STXBP5L: variants seen among roughly 807,000 people sequenced by gnomAD.
STXBP5L encodes syntaxin-binding protein 5-like.
A neutral mutation model predicts 144.5 loss-of-function variants in STXBP5L; 65 were observed. The ratio of observed to expected loss-of-function variants is 0.45; its 90% CI spans 0.37 to 0.55. STXBP5L has a LOEUF of 0.55. Among genes scored for constraint, STXBP5L ranks in the 20% least tolerant of loss-of-function variants. The probability of loss-of-function intolerance (pLI) is 0.00; values close to 1 mark genes in which losing one functional copy is unlikely to be tolerated. For missense variants in STXBP5L, 1,298 were observed against 1,405.5 expected, an observed-to-expected ratio of 0.92 and a Z score of 1.22; for synonymous variants, 505 against 469.6, an observed-to-expected ratio of 1.08 and a Z score of -0.97.
intron 3 of STXBP5L, among the ~76,000 whole-genome samples, chr3:120,967,135 G>A (rs888889291): frequency 6.6e-6 from 1 of 152,072 alleles, no homozygotes; most frequent in Non-Finnish European, 1.5e-5. Flanking sequence ...CTTGTCTGCC[G>A]GTTTTTAAGA....
rs1486234901 is a variant in STXBP5L at position 120,908,298 on chromosome 3, T to A, written c.-45T>A. The A allele has an allele frequency of 6.6e-6, 1 of 152,378 alleles. No individual in the cohort carries two copies. Among genetic ancestry groups the A allele is most frequent in the Non-Finnish European group, 1.5e-5 (1 of 68,124 alleles). 9.4% of individuals were successfully genotyped at this position (152,378 alleles called of 1,614,324 possible). Reference sequence around the variant, plus strand: ...CCCGCCTACCTCGGCCCCCTCAGCTTCCCGGGCTGGCAGGCGGCTAGAGGC... The same window carrying A: ...CCCGCCTACCTCGGCCCCCTCAGCTACCCGGGCTGGCAGGCGGCTAGAGGC... On this transcript the variant is annotated 5_prime_UTR_variant, in exon 1 of 27. Transcript: ENST00000471454.
intron 5 of STXBP5L, among the ~76,000 whole-genome samples, chr3:121,088,275 G>A (rs1220943151): frequency 8.0e-6 from 1 of 124,848 alleles, no homozygotes; most frequent in Non-Finnish European, 1.7e-5. Flanking sequence ...TCAAAAAGTG[G>A]GCGAAGGACA....
intron 20 of STXBP5L, chr3:121,357,318 A>C (rs1350245002): frequency 5.8e-6 from 1 of 171,488 alleles, no homozygotes; most frequent in Non-Finnish European, 1.4e-5. Context: ...ATCGCTTTTT[A>C]TGTGTGTGTG....
chr3:121,088,387 A>G (rs2042602704), intron 5 of STXBP5L, among the ~76,000 whole-genome samples: 1 of 115,434 alleles, frequency 8.7e-6, no homozygotes, highest in Non-Finnish European at 1.8e-5. Flanking sequence ...CAAAACCACT[A>G]TGAGATATCA....
intron 3 of STXBP5L, among the ~76,000 whole-genome samples, chr3:121,038,159 A>C (rs1015889027): frequency 5.3e-5 from 8 of 151,474 alleles, no homozygotes; most frequent in African/African-American, 1.9e-4. Flanking sequence ...GATCATCTTT[A>C]TTATTGTTCT....
chr3:121,282,480 A>G, intron 19 of STXBP5L: 3 of 569,356 alleles, frequency 5.3e-6, no homozygotes, highest in Non-Finnish European at 9.0e-6. Flanking sequence ...GTGCAACCTG[A>G]TAATTTTAAT....
chr3:121,137,739 G>T (rs1027575872), intron 7 of STXBP5L, among the ~76,000 whole-genome samples: 4 of 152,106 alleles, frequency 2.6e-5, no homozygotes, highest in African/African-American at 9.7e-5. Flanking sequence ...ATTCCTTTAT[G>T]ATATAAATTT....
At chr3:121,160,954 G>C (rs1159578589) in intron 9 of STXBP5L, among the ~76,000 whole-genome samples, 3 of 151,986 alleles carry the variant, frequency 2.0e-5, no homozygotes, top group Non-Finnish European at 4.4e-5. Flanking sequence ...CATAAAATTT[G>C]CAAATCTTGT....
At chr3:121,076,128 A>G (rs2042008730) in intron 5 of STXBP5L, among the ~76,000 whole-genome samples, 2 of 152,188 alleles carry the variant, frequency 1.3e-5, no homozygotes, top group South Asian at 4.2e-4. Flanking sequence ...GTGCATTCAA[A>G]TAAATTTGTT....
chr3:121,213,334 A>C (rs2048653342), intron 10 of STXBP5L, among the ~76,000 whole-genome samples: 1 of 152,058 alleles, frequency 6.6e-6, no homozygotes, highest in African/African-American at 2.4e-5. Context: ...TGAGTATGAT[A>C]TTGGCTGTGG....
At chr3:121,095,263 CTTGG>C (rs1368765754) in intron 5 of STXBP5L, among the ~76,000 whole-genome samples, 1 of 152,136 alleles carries the variant, frequency 6.6e-6, no homozygotes, top group South Asian at 2.1e-4. Context: ...ACTTATGTGT[CTTGG>C]AGTTGCTCTT....
intron 9 of STXBP5L, among the ~76,000 whole-genome samples, chr3:121,178,672 GAGA>G (rs1171478615): frequency 1.3e-5 from 2 of 152,078 alleles, no homozygotes; most frequent in Non-Finnish European, 2.9e-5. Context: ...CAGATCACAG[GAGA>G]AGGCTTTAAC....
At chr3:121,100,686 G>A (rs779077815) in intron 5 of STXBP5L, among the ~76,000 whole-genome samples, 1 of 151,820 alleles carries the variant, frequency 6.6e-6, no homozygotes, top group Admixed American at 6.6e-5. Flanking sequence ...TCTAGAGGAA[G>A]TGGAAAAACG....
At chr3:121,018,757 G>A (rs550534573) in intron 3 of STXBP5L, among the ~76,000 whole-genome samples, 4 of 152,228 alleles carry the variant, frequency 2.6e-5, no homozygotes, top group Admixed American at 6.5e-5. Flanking sequence ...GATAGGAGGC[G>A]GAACTAACTT....
chr3:121,263,166 C>G (rs148446235), intron 18 of STXBP5L, among the ~76,000 whole-genome samples: 36 of 152,272 alleles, frequency 2.4e-4, no homozygotes, highest in African/African-American at 8.2e-4. Flanking sequence ...CTAGTGATAC[C>G]CAGGCAAACA....
intron 9 of STXBP5L, among the ~76,000 whole-genome samples, chr3:121,191,325 G>T (rs532351554): frequency 6.6e-6 from 1 of 152,322 alleles, no homozygotes; most frequent in East Asian, 1.9e-4. Flanking sequence ...ATCACTCGCG[G>T]TCAGGAGCTG....
intron 3 of STXBP5L, among the ~76,000 whole-genome samples, chr3:121,039,723 A>C (rs897309240): frequency 9.9e-5 from 15 of 151,922 alleles, no homozygotes; most frequent in Admixed American, 2.6e-4. Context: ...ATTTAAAAAA[A>C]ATTTTATCTC....
intron 19 of STXBP5L, among the ~76,000 whole-genome samples, chr3:121,308,179 A>G (rs2043405674): frequency 1.3e-5 from 2 of 152,222 alleles, no homozygotes; most frequent in Non-Finnish European, 2.9e-5. Flanking sequence ...TGATGGGTTG[A>G]TAAGTGCAGC....
chr3:121,005,456 G>A (rs868678823), intron 3 of STXBP5L, among the ~76,000 whole-genome samples: 45 of 152,072 alleles, frequency 3.0e-4, no homozygotes, highest in Non-Finnish European at 5.4e-4. Context: ...TTCTTTATTA[G>A]TCATGCTAGC....
Sources: allele counts gnomAD v4.1 joint callset (sites outside exome capture counted in the v4.1 genomes callset), GRCh38; gene constraint gnomAD v4.1.1; transcripts MANE v1.5; gene names NCBI Gene and HGNC (gene_info 2026-07-23, HGNC 2026-07-21).